MED27: variants seen among roughly 807,000 people sequenced by gnomAD.
The protein encoded by MED27 is mediator complex subunit 27.
In MED27, 30 loss-of-function variants were observed where a neutral mutation model predicts 38.2. The ratio of observed to expected loss-of-function variants is 0.79; its 90% CI spans 0.59 to 1.07. The LOEUF is 1.07. MED27 is among the 50% of genes least tolerant of loss of function. MED27 has a pLI of 0.00. For missense variants in MED27, 289 were observed against 397.5 expected, an observed-to-expected ratio of 0.73 and a Z score of 2.32; for synonymous variants, 122 against 153.5, an observed-to-expected ratio of 0.79 and a Z score of 1.52.
Position 131,949,655 on chromosome 9 carries a change from G to T in MED27, c.480-10181C>A, listed in dbSNP as rs564157103. Reference sequence around the variant, plus strand: ...AAAACAACTGAGAAATCTTTTAGTAGTGTAGTAACAAAATGAAATCAATTG... The same window carrying T: ...AAAACAACTGAGAAATCTTTTAGTATTGTAGTAACAAAATGAAATCAATTG... On this transcript the variant is annotated intron_variant, in intron 3 of 7. Transcript: ENST00000292035. 1.8e-3 allele frequency among the ~76,000 whole-genome samples: 276 copies of T among 152,314 alleles called. 2 individuals are homozygous for T. Among genetic ancestry groups the T allele is most frequent in the African/African-American group, 6.3e-3 (262 of 41,564 alleles).
chr9:131,891,640 A>T (rs1839230679), intron 5 of MED27, among the ~76,000 whole-genome samples: 1 of 152,112 alleles, frequency 6.6e-6, no homozygotes, highest in South Asian at 2.1e-4. Context: ...ATCTATTAAT[A>T]TCCTACTTTC....
intron 4 of MED27, 27 bp downstream of exon 4, chr9:131,939,354 C>T (rs777122199): frequency 6.6e-7 from 1 of 1,516,452 alleles, no homozygotes; most frequent in Admixed American, 1.9e-5. Flanking sequence ...CCCCAACATC[C>T]CTACAAATCA....
rs141551120 is a variant in MED27 at position 132,028,893 on chromosome 9, C to T, written c.349-14426G>A. On this transcript the variant is annotated intron_variant, in intron 2 of 7. Coordinates refer to ENST00000292035, the MANE Select transcript of MED27 (RefSeq NM_004269.4). The stretch of plus-strand genomic sequence containing the variant: ...AGCACCCCCAGGCAGCTCCAAGACG[C>T]GCTAAAATCTGAGCACAATCATAGT... Among the ~76,000 whole-genome samples, 549 of 152,258 alleles carry T rather than the reference C, an allele frequency of 3.6e-3. 3 individuals are homozygous for T. Among genetic ancestry groups the T allele is most frequent in the African/African-American group, 0.012 (511 of 41,538 alleles).
At position 131,913,327 on chromosome 9, in the gene MED27, G is replaced by A. The variant is rs1258354622; in HGVS notation, c.574-19335C>T. On this transcript the variant is annotated intron_variant, in intron 4 of 7. Transcript: ENST00000292035. The surrounding 1 kb of genome is among the most constrained non-coding windows in gnomAD (Gnocchi z 4.5). The stretch of plus-strand genomic sequence containing the variant: ...ATGGATCTCACTTCAAATCCCAGCT[G>A]TACCACTTAATGTGACCTTGAACAA... Among the ~76,000 whole-genome samples, 4 of 152,174 alleles carry A rather than the reference G, an allele frequency of 2.6e-5. No homozygotes were observed. The highest frequency in any genetic ancestry group is 7.2e-5 in the African/African-American group (3 of 41,448).
intron 2 of MED27, among the ~76,000 whole-genome samples, chr9:132,030,361 C>T (rs147268135): frequency 1.7e-4 from 26 of 152,290 alleles, no homozygotes; most frequent in Non-Finnish European, 2.8e-4. Flanking sequence ...TCAGCTATTC[C>T]GCTCCAGAAA....
intron 2 of MED27, among the ~76,000 whole-genome samples, chr9:132,021,169 C>A (rs1832709731): frequency 6.6e-6 from 1 of 152,184 alleles, no homozygotes; most frequent in Non-Finnish European, 1.5e-5. Flanking sequence ...TGGATAGCAG[C>A]CCTTTTCTTT....
intron 2 of MED27, among the ~76,000 whole-genome samples, chr9:132,028,487 A>G (rs1281644032): frequency 1.3e-5 from 2 of 151,800 alleles, no homozygotes; most frequent in South Asian, 2.1e-4. Flanking sequence ...GCACATAGCC[A>G]TGGCTGAATG....
intron 3 of MED27, among the ~76,000 whole-genome samples, chr9:131,948,745 C>T (rs982475431): frequency 6.6e-6 from 1 of 152,188 alleles, no homozygotes; most frequent in Non-Finnish European, 1.5e-5. Context: ...GGCAACTCAA[C>T]ACTTAGGCAG....
chr9:132,030,027 C>G (rs1375094089), intron 2 of MED27, among the ~76,000 whole-genome samples: 1 of 152,116 alleles, frequency 6.6e-6, no homozygotes, highest in Non-Finnish European at 1.5e-5. Flanking sequence ...GAGGATTTCC[C>G]AAAGGCAGAA....
At chr9:131,937,144 C>A (rs1325638666) in intron 4 of MED27, among the ~76,000 whole-genome samples, 4 of 152,214 alleles carry the variant, frequency 2.6e-5, no homozygotes, top group Admixed American at 6.5e-5. Flanking sequence ...CATCACCCAC[C>A]TCACGATGGA....
intron 3 of MED27, among the ~76,000 whole-genome samples, chr9:132,005,005 G>A (rs1399945149): frequency 1.3e-5 from 2 of 152,202 alleles, no homozygotes; most frequent in African/African-American, 4.8e-5. Flanking sequence ...AACCTTATAG[G>A]AGTAAGAAGC....
At chr9:131,919,179 G>A (rs144495502) in intron 4 of MED27, among the ~76,000 whole-genome samples, 6 of 152,278 alleles carry the variant, frequency 3.9e-5, no homozygotes, top group South Asian at 2.1e-4. Context: ...GTATTTACAC[G>A]GAACTTGAAA....
At chr9:132,049,064 C>T (rs1226517174) in intron 2 of MED27, among the ~76,000 whole-genome samples, 5 of 152,160 alleles carry the variant, frequency 3.3e-5, no homozygotes, top group African/African-American at 1.2e-4. Context: ...AGTGGAGCAA[C>T]CAATCAGTTT....
intron 4 of MED27, among the ~76,000 whole-genome samples, chr9:131,908,618 A>G (rs1436994131): frequency 6.6e-6 from 1 of 152,204 alleles, no homozygotes; most frequent in Non-Finnish European, 1.5e-5. Context: ...GTGTCCACTC[A>G]GGGTTAAATG....
intron 6 of MED27, among the ~76,000 whole-genome samples, chr9:131,880,521 G>A (rs1839018078): frequency 6.6e-6 from 1 of 152,218 alleles, no homozygotes; most frequent in South Asian, 2.1e-4. Flanking sequence ...GGTGAAAGGA[G>A]CGATGATAAA....
rs192041575 is a variant in MED27, at chr9:131,912,770, G to A, written c.574-18778C>T. Among the ~76,000 whole-genome samples the A allele has an allele frequency of 2.6e-5, 4 of 152,186 alleles. No individual in the cohort carries two copies. In the East Asian group the frequency reaches 7.7e-4, roughly 29 times the overall value. ...CAGTCTTGTAACAGCATCACCAACA[G>A]CCCTCACTTAATCACTCTGGTAGAT... is the stretch of plus-strand genomic sequence containing the variant. On this transcript the variant is annotated intron_variant, in intron 4 of 7. Coordinates refer to ENST00000292035, the MANE Select transcript of MED27 (RefSeq NM_004269.4).
rs778593272 is a variant in MED27 at position 131,860,635 on chromosome 9, G to A, written c.839C>T (p.Pro280Leu). ...LRSYIKLFQA[P>L]CQRCGKFLQD... ...CAGAAACTTCCCGCAGCGCTGGCAC[G>A]GGGCCTGGAACAGCTTTATGTAACT... is the stretch of plus-strand genomic sequence containing the variant. The change falls in exon 8 of 8, where the codon CCG becomes CTG. Residue 280 changes from proline to leucine, a missense_variant. Transcript: ENST00000292035. This position sits in a 1 kb window ranked among gnomAD's most constrained non-coding sequence, Gnocchi z 5.8. 1.9e-5 allele frequency: 31 copies of A among 1,612,684 alleles called. No individual in the cohort carries two copies. Among genetic ancestry groups the A allele is most frequent in the Non-Finnish European group, 3.4e-6 (4 of 1,179,520 alleles).
chr9:131,947,680 GA>G (rs148059664), intron 3 of MED27, among the ~76,000 whole-genome samples: 6 of 145,570 alleles, frequency 4.1e-5, no homozygotes, highest in Admixed American at 6.9e-5. Flanking sequence ...CTCCTCAAAA[GA>G]AAAAAAAAAC....
intron 4 of MED27, among the ~76,000 whole-genome samples, chr9:131,931,833 C>A: frequency 6.6e-6 from 1 of 152,122 alleles, no homozygotes; most frequent in South Asian, 2.1e-4. Flanking sequence ...ATACAACCAA[C>A]AATGGAACAC....
Sources: gnomAD v4.1 joint callset for allele counts (sites outside exome capture counted in the v4.1 genomes callset) on GRCh38, gnomAD v4.1.1 for gene constraint, Gnocchi (gnomAD v3.1) non-coding constraint, MANE v1.5 for transcripts, NCBI Gene and HGNC (gene_info 2026-07-23, HGNC 2026-07-21) for gene names.